ASAP1: variants seen among roughly 807,000 people sequenced by gnomAD.
The protein encoded by ASAP1 is ArfGAP with SH3 domain, ankyrin repeat and PH domain 1.
In ASAP1, 43 loss-of-function variants were observed where a neutral mutation model predicts 145.2. The observed-to-expected ratio is 0.30, with a 90% CI of 0.23 to 0.38. ASAP1 has a LOEUF of 0.38. Among genes scored for constraint, ASAP1 ranks in the 10% least tolerant of loss-of-function variants. The pLI is 1.00. For missense variants in ASAP1, 1,018 were observed against 1,355.3 expected (o/e 0.75, Z 3.91); for synonymous variants, 546 against 515.5 (o/e 1.06, Z -0.80).
chr8:130,291,468 C>T (rs572938883), intron 3 of ASAP1, among the ~76,000 whole-genome samples: 6 of 152,112 alleles, frequency 3.9e-5, no homozygotes, highest in African/African-American at 9.7e-5. Flanking sequence ...CTCTGAGATG[C>T]CTCAAGAAAG....
chr8:130,283,467 C>A (rs1053715834), intron 3 of ASAP1, among the ~76,000 whole-genome samples: 1 of 151,810 alleles, frequency 6.6e-6, no homozygotes, highest in African/African-American at 2.4e-5. Context: ...GTAGTCCCAG[C>A]TACTCAGGAG....
chr8:130,112,340 A>G lies in ASAP1; in HGVS notation c.2173-18T>C. The G allele has an allele frequency of 1.2e-6, 2 of 1,608,158 alleles. No individual in the cohort carries two copies. On this transcript the variant is annotated intron_variant, in intron 23 of 29. Coordinates refer to ENST00000518721, the MANE Select transcript of ASAP1 (RefSeq NM_018482.4). The stretch of plus-strand genomic sequence containing the variant: ...GGGCTTGGCTGGCAGATGAAATAAG[A>G]AGGTGAGATAATAATCAAGGACCAC...
At position 130,064,094 on chromosome 8, in the gene ASAP1, C is replaced by G. The variant is rs534009205; in HGVS notation, c.2702-3025G>C. Among the ~76,000 whole-genome samples, 5 of 152,128 alleles carry G rather than the reference C, an allele frequency of 3.3e-5. No individual in the cohort carries two copies. The South Asian group carries it at 1.0e-3, about 32-fold the overall frequency. Reference sequence around the variant, plus strand: ...CCATGCTGATATCTGGTGGGGGTTGCGAGAAGAACCACCAGATGGTTCAGG... The same window carrying G: ...CCATGCTGATATCTGGTGGGGGTTGGGAGAAGAACCACCAGATGGTTCAGG... On this transcript the variant is annotated intron_variant, in intron 27 of 29. Transcript: ENST00000518721.
intron 2 of ASAP1, among the ~76,000 whole-genome samples, chr8:130,392,902 C>T (rs34492373): frequency 0.062 from 9,494 of 152,212 alleles, 295 homozygotes; most frequent in Middle Eastern, 0.12. Flanking sequence ...AAACATTTCC[C>T]ATCAGGCCCC....
At chr8:130,149,095 G>A (rs1189585020) in intron 13 of ASAP1, among the ~76,000 whole-genome samples, 1 of 146,374 alleles carries the variant, frequency 6.8e-6, no homozygotes, top group Admixed American at 7.1e-5. Context: ...TGATCTGCCT[G>A]TCTCAGCCTC....
chr8:130,342,264 TC>T (rs1357692471), intron 3 of ASAP1, among the ~76,000 whole-genome samples: 2 of 152,122 alleles, frequency 1.3e-5, no homozygotes, highest in African/African-American at 4.8e-5. Flanking sequence ...AACTCCAGCT[TC>T]CCCTGACTGC....
At chr8:130,079,781 GCC>G in intron 26 of ASAP1, 119 bp downstream of exon 26, 1 of 975,330 alleles carries the variant, frequency 1.0e-6, no homozygotes, top group Non-Finnish European at 1.6e-6. Flanking sequence ...GTTGTGGCCT[GCC>G]CCACTTGGCT....
intron 3 of ASAP1, among the ~76,000 whole-genome samples, chr8:130,337,424 A>G (rs777200170): frequency 2.0e-5 from 3 of 152,230 alleles, no homozygotes; most frequent in South Asian, 4.1e-4. Flanking sequence ...AGAAGTCTCC[A>G]GTGTAACAAA....
intron 24 of ASAP1, among the ~76,000 whole-genome samples, chr8:130,108,721 T>G (rs2097541551): frequency 6.7e-6 from 1 of 148,840 alleles, no homozygotes; most frequent in African/African-American, 2.5e-5. Flanking sequence ...AATCAAAGGT[T>G]AAAAAGAAAC....
intron 3 of ASAP1, among the ~76,000 whole-genome samples, chr8:130,274,549 G>A (rs572435713): frequency 3.3e-5 from 5 of 152,290 alleles, no homozygotes; most frequent in East Asian, 3.9e-4. Context: ...ACTTAACCCC[G>A]CCACACAATA....
At chr8:130,443,280 C>T (rs1830556249) in intron 1 of ASAP1, among the ~76,000 whole-genome samples, 180 bp downstream of exon 1, 1 of 151,844 alleles carries the variant, frequency 6.6e-6, no homozygotes, top group Admixed American at 6.6e-5. Context: ...GCACACGCCC[C>T]AGCCCAGGGC....
intron 9 of ASAP1, among the ~76,000 whole-genome samples, chr8:130,176,532 G>A (rs1353181599): frequency 6.6e-6 from 1 of 152,062 alleles, no homozygotes; most frequent in Non-Finnish European, 1.5e-5. Context: ...GTTTTCTTCT[G>A]ATGATCTCTC....
At position 130,358,612 on chromosome 8, in the gene ASAP1, G is replaced by T. The variant is rs866067666; in HGVS notation, c.60-469C>A. Among the ~76,000 whole-genome samples the T allele has an allele frequency of 6.9e-6, 1 of 145,592 alleles. No individual in the cohort carries two copies. Among genetic ancestry groups the T allele is most frequent in the African/African-American group, 2.5e-5 (1 of 40,066 alleles). On this transcript the variant is annotated intron_variant, in intron 2 of 29. Coordinates refer to ENST00000518721, the MANE Select transcript of ASAP1 (RefSeq NM_018482.4). This position sits in a 1 kb window ranked among gnomAD's most constrained non-coding sequence, Gnocchi z 4.1. ...TGACTGACTGAGCGCACACTCCCGC[G>T]GCGGGCGGGCGGGCGGGCGGCGCTC...
chr8:130,147,052 C>T (rs1020558516), intron 13 of ASAP1, among the ~76,000 whole-genome samples: 1 of 151,690 alleles, frequency 6.6e-6, no homozygotes, highest in Non-Finnish European at 1.5e-5. Context: ...ATGGTGAAAC[C>T]CCGTCTCTAC....
intron 2 of ASAP1, among the ~76,000 whole-genome samples, chr8:130,395,115 T>C (rs1382454623): frequency 2.0e-5 from 3 of 152,158 alleles, no homozygotes; most frequent in Non-Finnish European, 4.4e-5. Context: ...AAGAAAAACA[T>C]CCGTCTCACT....
intron 25 of ASAP1, among the ~76,000 whole-genome samples, chr8:130,080,199 A>G (rs1377299128): frequency 6.6e-6 from 1 of 152,198 alleles, no homozygotes; most frequent in African/African-American, 2.4e-5. Context: ...AGAGGTGAGC[A>G]GCTGCTCTGT....
intron 24 of ASAP1, among the ~76,000 whole-genome samples, chr8:130,100,008 C>G (rs2097525861): frequency 6.6e-6 from 1 of 152,050 alleles, no homozygotes; most frequent in Non-Finnish European, 1.5e-5. Flanking sequence ...TACTGATTTC[C>G]TTTGCACTGG....
At chr8:130,219,196 CTTTT>C (rs11324757) in intron 4 of ASAP1, among the ~76,000 whole-genome samples, 2 of 146,856 alleles carry the variant, frequency 1.4e-5, no homozygotes, top group Admixed American at 1.4e-4. Context: ...TCTCACATGT[CTTTT>C]TTTTTTTTAA....
intron 2 of ASAP1, among the ~76,000 whole-genome samples, chr8:130,378,774 T>C (rs146858392): frequency 1.3e-5 from 2 of 152,336 alleles, no homozygotes; most frequent in Non-Finnish European, 2.9e-5. Context: ...CAGATGTCTG[T>C]CAAATGCATA....
Sources: allele counts gnomAD v4.1 joint callset (sites outside exome capture counted in the v4.1 genomes callset), GRCh38; gene constraint gnomAD v4.1.1; non-coding constraint Gnocchi (gnomAD v3.1); transcripts MANE v1.5; gene names NCBI Gene and HGNC (gene_info 2026-07-23, HGNC 2026-07-21).